The following DGLUCY variants were observed in gnomAD, a reference collection of about 807,000 sequenced individuals.
The protein encoded by DGLUCY is D-glutamate cyclase, mitochondrial.
DGLUCY carries 58 observed loss-of-function variants against 58.5 expected under a neutral mutation model. The ratio of observed to expected loss-of-function variants is 0.99; its 90% confidence interval spans 0.80 to 1.23. The LOEUF is 1.23. Ranked by LOEUF, DGLUCY falls within the 50% of genes most tolerant of loss-of-function variation. The pLI is 0.00. For missense variants in DGLUCY, 779 were observed against 784.7 expected (o/e 0.99, Z 0.09); for synonymous variants, 325 against 314.1 (o/e 1.03, Z -0.37).
At chr14:91,121,369 G>A (rs768367617) in intron 1 of DGLUCY, among the ~76,000 whole-genome samples, 5 of 152,066 alleles carry the variant, frequency 3.3e-5, no homozygotes, top group Non-Finnish European at 7.4e-5. Flanking sequence ...TCTCCTGTGG[G>A]GATGTCTGTA....
upstream of DGLUCY, among the ~76,000 whole-genome samples, chr14:91,103,513 C>T (rs1384572409): frequency 2.0e-5 from 3 of 152,164 alleles, no homozygotes; most frequent in Non-Finnish European, 2.9e-5. Context: ...CAAATACACA[C>T]GCCTTCCTAC....
intron 3 of DGLUCY, among the ~76,000 whole-genome samples, chr14:91,163,850 A>G (rs1300817445): frequency 2.0e-5 from 3 of 152,160 alleles, no homozygotes; most frequent in Non-Finnish European, 4.4e-5. Flanking sequence ...GCACTCAGTA[A>G]ATATTAGCCC....
chr14:91,176,231 A>T (rs1335984897), intron 7 of DGLUCY, among the ~76,000 whole-genome samples, 175 bp downstream of exon 7: 1 of 151,964 alleles, frequency 6.6e-6, no homozygotes, highest in Non-Finnish European at 1.5e-5. Context: ...TCTTTTATTT[A>T]TTTATTTTTT....
chr14:91,217,972 G>C (rs1416540159), intron 13 of DGLUCY, among the ~76,000 whole-genome samples: 1 of 152,162 alleles, frequency 6.6e-6, no homozygotes, highest in Non-Finnish European at 1.5e-5. Context: ...GGGGCTCTGA[G>C]AAGCCGATGG....
chr14:91,125,783 T>C (rs1223565049), intron 1 of DGLUCY, among the ~76,000 whole-genome samples: 1 of 152,162 alleles, frequency 6.6e-6, no homozygotes, highest in Non-Finnish European at 1.5e-5. Context: ...TGAAATCCTG[T>C]CTCTACTAAA....
chr14:91,116,331 AT>A (rs1419835677), intron 1 of DGLUCY, among the ~76,000 whole-genome samples: 1 of 152,214 alleles, frequency 6.6e-6, no homozygotes, highest in African/African-American at 2.4e-5. Context: ...GAAGTCTGTA[AT>A]TTGGATCTCC....
At chr14:91,111,200 A>ATGTGTGTGTGTG (rs1183383205), upstream of DGLUCY, among the ~76,000 whole-genome samples, 100 of 79,152 alleles carry the variant, frequency 1.3e-3, no homozygotes, top group African/African-American at 3.3e-3. Context: ...TTATTTATAT[A>ATGTGTGTGTGTG]TATGTGTGTG....
intron 1 of DGLUCY, among the ~76,000 whole-genome samples, chr14:91,118,063 T>C: frequency 8.9e-6 from 1 of 112,056 alleles, no homozygotes; most frequent in South Asian, 3.3e-4. Context: ...GAATGGATGG[T>C]AAATTCTCCC....
chr14:91,102,736 A>AGTGTGTGTGTGT lies in DGLUCY; in HGVS notation c.-82+42038_-82+42039insGTGTGTGTGTGT, dbSNP rs1288611586. ...GGAGGATGCTGCTGGGACCCCTTCC[A>AGTGTGTGTGTGT]GTGTGTATGTGTGTGTGTGTGTGTG... is the stretch of plus-strand genomic sequence containing the variant. On this transcript the variant is annotated intron_variant, in intron 1 of 4. Transcript: ENST00000521334. Among the ~76,000 whole-genome samples, 528 of 60,746 alleles carry AGTGTGTGTGTGT rather than the reference A, an allele frequency of 8.7e-3. 6 individuals carry two copies. The highest frequency in any genetic ancestry group is 0.016 in the East Asian group (25 of 1,606). The allele number at this position is 60,746 out of a possible 152,430, so 39.9% of individuals were successfully genotyped here.
At chr14:91,074,114 T>TACACACAC (rs1326685656) in intron 1 of DGLUCY, among the ~76,000 whole-genome samples, 1,046 of 64,350 alleles carry the variant, frequency 0.016, 22 homozygotes, top group Non-Finnish European at 0.025. Context: ...AATATATATA[T>TACACACAC]ATATACACAC....
At chr14:91,195,830 C>T (rs562848589) in intron 9 of DGLUCY, among the ~76,000 whole-genome samples, 13 of 152,038 alleles carry the variant, frequency 8.6e-5, no homozygotes, top group African/African-American at 2.4e-4. Flanking sequence ...GCCATCACGC[C>T]GGGCTAATTT....
At chr14:91,160,140 GCAGGCCCAGGAA>G (rs1275691194) in intron 2 of DGLUCY, 114 bp from the exon 3 acceptor site, 4 of 685,148 alleles carry the variant, frequency 5.8e-6, no homozygotes, top group African/African-American at 3.6e-5. Context: ...CCACCACAAG[GCAGGCCCAGGAA>G]CAGGGCCAGG....
At chr14:91,108,526 T>TGTGTGGGAGAGAGAGAGAGAGAGAGA (rs1265665234) in intron 1 of DGLUCY, among the ~76,000 whole-genome samples, 1 of 52,122 alleles carries the variant, frequency 1.9e-5, no homozygotes, top group Non-Finnish European at 3.8e-5. Flanking sequence ...TGTGTGTGTG[T>TGTGTGGGAGAGAGAGAGAGAGAGAGA]GAGAGAGAGA....
chr14:91,157,215 G>A (rs1223176878), intron 1 of DGLUCY, among the ~76,000 whole-genome samples: 26 of 106,380 alleles, frequency 2.4e-4, no homozygotes, highest in African/African-American at 1.3e-3. Flanking sequence ...GAATGAATGG[G>A]TGGATGGATG....
intron 1 of DGLUCY, among the ~76,000 whole-genome samples, chr14:91,065,127 AG>A (rs1486900400): frequency 3.3e-5 from 5 of 152,054 alleles, no homozygotes; most frequent in Non-Finnish European, 7.4e-5. Context: ...GAGTGATAGG[AG>A]GGAGGGGAGG....
In DGLUCY at chr14:91,072,653, C is replaced by CA. The variant is rs1009263745; in HGVS notation, c.-82+11960dup. Among the ~76,000 whole-genome samples, 319 of 121,668 alleles carry CA rather than the reference C, an allele frequency of 2.6e-3. 1 individual carries two copies. Among genetic ancestry groups the CA allele is most frequent in the African/African-American group, 6.8e-3 (219 of 31,988 alleles). 79.8% of individuals were successfully genotyped at this position (121,668 alleles called of 152,430 possible). ...TTCCAGAAAGTGAGATTTGAGACAC[C>CA]AAAAAAAAAAACAAAAAACAAAACT... On this transcript the variant is annotated intron_variant, in intron 1 of 4. Coordinates refer to the DGLUCY transcript ENST00000521334.
At chr14:91,080,635 C>T (rs981465158) in intron 1 of DGLUCY, among the ~76,000 whole-genome samples, 2 of 152,110 alleles carry the variant, frequency 1.3e-5, no homozygotes, top group Non-Finnish European at 2.9e-5. Flanking sequence ...TCCCAAAGTG[C>T]TGGGATTACA....
intron 12 of DGLUCY, among the ~76,000 whole-genome samples, chr14:91,213,481 A>T (rs1477597958): frequency 6.6e-6 from 1 of 152,202 alleles, no homozygotes; most frequent in South Asian, 2.1e-4. Flanking sequence ...ACAATAATTT[A>T]CATACTACTA....
intron 4 of DGLUCY, among the ~76,000 whole-genome samples, chr14:91,168,223 G>A (rs111253903): frequency 0.13 from 19,840 of 151,966 alleles, 2,119 homozygotes; most frequent in African/African-American, 0.28. Context: ...CCGAGATCAT[G>A]TCACTGCACT....
Sources: allele counts gnomAD v4.1 joint callset (sites outside exome capture counted in the v4.1 genomes callset), GRCh38; gene constraint gnomAD v4.1.1; transcripts MANE v1.5; gene names NCBI Gene and HGNC (gene_info 2026-07-23, HGNC 2026-07-21).